LRRTM4: variants seen among roughly 807,000 people sequenced by gnomAD.
LRRTM4 encodes leucine-rich repeat transmembrane neuronal protein 4.
In LRRTM4, 25 loss-of-function variants were observed where a neutral mutation model predicts 47.6. That is an observed-to-expected ratio of 0.53 (90% CI 0.38 to 0.73). The LOEUF is 0.73. Among genes scored for constraint, LRRTM4 ranks in the 30% least tolerant of loss-of-function variants. The pLI is 0.00. For synonymous variants in LRRTM4, 311 were observed against 269.5 expected, an observed-to-expected ratio of 1.15 and a Z score of -1.51; for missense variants, 638 against 713.4, an observed-to-expected ratio of 0.89 and a Z score of 1.20.
rs1263985139 is a variant in LRRTM4 at position 76,748,107 on chromosome 2, A to T, written c.*588T>A. 3 of 152,446 alleles carry T rather than the reference A, an allele frequency of 2.0e-5. No individual in the cohort carries two copies. Among genetic ancestry groups the T allele is most frequent in the Non-Finnish European group, 4.4e-5 (3 of 68,272 alleles). The allele number at this position is 152,446 out of a possible 1,614,324, so 9.4% of individuals were successfully genotyped here. On this transcript the variant is annotated 3_prime_UTR_variant, in exon 4 of 4. Coordinates refer to ENST00000409884, the MANE Select transcript of LRRTM4 (RefSeq NM_001134745.3). ...TTCTCCGTGGTCCGTGGTAAAGCAC[A>T]TTTTCTTTTGGTACAACATAAGCTT...
rs573450839 is a variant in LRRTM4 at position 76,824,629 on chromosome 2, T to C, written c.1552-75713A>G. 1.3e-4 allele frequency among the ~76,000 whole-genome samples: 20 copies of C among 148,306 alleles called. No homozygotes were observed. In the South Asian group the frequency reaches 2.3e-3, roughly 17 times the overall value. ...TAGGGCCTTAACTATATTTTATGTA[T>C]GTATTATTTGTATATATTTGGCTGT... On this transcript the variant is annotated intron_variant, in intron 3 of 3. Coordinates refer to ENST00000409884, the MANE Select transcript of LRRTM4 (RefSeq NM_001134745.3).
At chr2:77,011,004 G>A (rs547285611) in intron 3 of LRRTM4, among the ~76,000 whole-genome samples, 114 of 152,160 alleles carry the variant, frequency 7.5e-4, no homozygotes, top group African/African-American at 2.2e-3. Context: ...TAGGAGACAG[G>A]AGATATTAAA....
chr2:77,229,079 T>A (rs1161127608), intron 3 of LRRTM4, among the ~76,000 whole-genome samples: 1 of 152,090 alleles, frequency 6.6e-6, no homozygotes, highest in African/African-American at 2.4e-5. Flanking sequence ...GCAGCATTCA[T>A]CATGCCCCCT....
At chr2:77,093,678 T>C (rs756675223) in intron 3 of LRRTM4, among the ~76,000 whole-genome samples, 9 of 152,106 alleles carry the variant, frequency 5.9e-5, no homozygotes, top group African/African-American at 1.7e-4. Flanking sequence ...GTCAGGCCTC[T>C]GAGCCCAAGC....
intron 3 of LRRTM4, among the ~76,000 whole-genome samples, chr2:76,997,091 G>A (rs779886240): frequency 2.0e-5 from 3 of 152,062 alleles, no homozygotes; most frequent in South Asian, 2.1e-4. Flanking sequence ...TTCTCAGAAT[G>A]TCTTATTTCA....
Position 77,292,692 on chromosome 2 carries a change from T to G in LRRTM4, c.1551+225626A>C, listed in dbSNP as rs993921319. On this transcript the variant is annotated intron_variant, in intron 3 of 3. Transcript: ENST00000409884. ...AAGGGGAACATCACACTCTGGGGAC[T>G]GTTGTGGGGTGGGGGGAGGGGGGAG... Among the ~76,000 whole-genome samples, 335 of 104,212 alleles carry G rather than the reference T, an allele frequency of 3.2e-3. 2 individuals are homozygous for G. Among genetic ancestry groups the G allele is most frequent in the African/African-American group, 0.012 (317 of 27,168 alleles). The allele number at this position is 104,212 out of a possible 152,430, so 68.4% of individuals were successfully genotyped here.
chr2:77,418,540 G>GTGAT (rs1450672647), intron 3 of LRRTM4, among the ~76,000 whole-genome samples: 5 of 152,142 alleles, frequency 3.3e-5, no homozygotes, highest in African/African-American at 4.8e-5. Context: ...AAAATTTCCA[G>GTGAT]TGATTCTCCA....
intron 3 of LRRTM4, among the ~76,000 whole-genome samples, chr2:76,803,393 T>G (rs1189837100): frequency 6.6e-6 from 1 of 151,976 alleles, no homozygotes; most frequent in Admixed American, 6.6e-5. Flanking sequence ...TAAACCAAAA[T>G]GAGATATTAC....
chr2:76,967,488 T>G (rs1247172215), intron 3 of LRRTM4, among the ~76,000 whole-genome samples: 2 of 151,550 alleles, frequency 1.3e-5, no homozygotes, highest in Non-Finnish European at 3.0e-5. Context: ...CAGAGCAAGT[T>G]TAATCTCCTT....
chr2:77,402,131 C>T (rs1404391221), intron 3 of LRRTM4, among the ~76,000 whole-genome samples: 1 of 151,874 alleles, frequency 6.6e-6, no homozygotes, highest in Non-Finnish European at 1.5e-5. Context: ...GGAATTGACT[C>T]TAAATTCTTT....
At chr2:77,518,119 T>G in intron 3 of LRRTM4, 199 bp downstream of exon 3, 1 of 1,282,976 alleles carries the variant, frequency 7.8e-7, no homozygotes, top group African/African-American at 1.5e-5. Context: ...TCCTTCAAGT[T>G]TCAACCATTT....
intron 3 of LRRTM4, among the ~76,000 whole-genome samples, chr2:77,142,835 T>G (rs976290176): frequency 4.6e-5 from 7 of 152,214 alleles, no homozygotes; most frequent in Admixed American, 2.0e-4. Flanking sequence ...TTTGCTTTTT[T>G]GTAATTTGCA....
intron 3 of LRRTM4, among the ~76,000 whole-genome samples, chr2:77,480,860 A>AGAGG (rs70956634): frequency 1.4e-4 from 14 of 97,608 alleles, no homozygotes; most frequent in Non-Finnish European, 2.5e-4. Flanking sequence ...AGAGAGAGAG[A>AGAGG]GAGAGAAATA....
chr2:77,285,987 T>A (rs1239010058), intron 3 of LRRTM4, among the ~76,000 whole-genome samples: 1 of 152,108 alleles, frequency 6.6e-6, no homozygotes, highest in Non-Finnish European at 1.5e-5. Flanking sequence ...CCAATAACTT[T>A]ATCTTATACA....
intron 3 of LRRTM4, among the ~76,000 whole-genome samples, chr2:77,279,677 A>T (rs1230109860): frequency 1.3e-5 from 2 of 151,944 alleles, no homozygotes; most frequent in South Asian, 2.1e-4. Flanking sequence ...ATTATGAAAA[A>T]TTTTAAATGT....
chr2:76,889,823 AAGAAAGAGAG>A (rs1019613476), intron 3 of LRRTM4, among the ~76,000 whole-genome samples: 1 of 151,842 alleles, frequency 6.6e-6, no homozygotes, highest in Non-Finnish European at 1.5e-5. Flanking sequence ...AGAGAGAAAG[AAGAAAGAGAG>A]AGAAAGAGGG....
At chr2:76,786,432 C>A (rs1353520180) in intron 3 of LRRTM4, among the ~76,000 whole-genome samples, 5 of 151,846 alleles carry the variant, frequency 3.3e-5, no homozygotes, top group African/African-American at 4.8e-5. Context: ...CTTTTCAGTT[C>A]TTATATAGCA....
chr2:77,270,694 C>A (rs954413071), intron 3 of LRRTM4, among the ~76,000 whole-genome samples: 4 of 152,142 alleles, frequency 2.6e-5, no homozygotes, highest in Non-Finnish European at 1.5e-5. Flanking sequence ...CAGATAGGGG[C>A]ATGTCTCTGG....
At chr2:76,924,237 G>A (rs955309809) in intron 3 of LRRTM4, among the ~76,000 whole-genome samples, 2 of 151,908 alleles carry the variant, frequency 1.3e-5, no homozygotes, top group African/African-American at 2.4e-5. Context: ...ATATATAATA[G>A]GTCTCATAAT....
Sources: gnomAD v4.1 joint callset for allele counts (sites outside exome capture counted in the v4.1 genomes callset) on GRCh38, gnomAD v4.1.1 for gene constraint, MANE v1.5 for transcripts, NCBI Gene and HGNC (gene_info 2026-07-23, HGNC 2026-07-21) for gene names.